Variants in TM2D1 observed in about 807,000 individuals in gnomAD.
TM2D1 encodes the protein TM2 domain-containing protein 1.
A neutral mutation model predicts 28.4 loss-of-function variants in TM2D1; 15 were observed. That is an observed-to-expected ratio of 0.53 (90% confidence interval 0.35 to 0.81). The LOEUF (loss-of-function observed/expected upper bound fraction) is 0.81. Among genes scored for constraint, TM2D1 ranks in the 40% least tolerant of loss-of-function variants. TM2D1 has a pLI of 0.01. For missense variants in TM2D1, 236 were observed against 254.9 expected (o/e 0.93, Z 0.50); for synonymous variants, 93 against 96.2 (o/e 0.97, Z 0.20).
chr1:61,683,179 T>G (rs963215036), intron 6 of TM2D1: 2 of 194,728 alleles, frequency 1.0e-5, no homozygotes, highest in African/African-American at 4.6e-5. Context: ...TTGATGTTAC[T>G]TTTTTCTTGT....
At chr1:61,709,197 T>A in intron 3 of TM2D1, 132 bp downstream of exon 3, 1 of 626,578 alleles carries the variant, frequency 1.6e-6, no homozygotes, top group East Asian at 3.2e-5. Context: ...AAAATAAAGG[T>A]TTTCTGACAC....
At chr1:61,716,523 A>G (rs1486455222) in intron 2 of TM2D1, among the ~76,000 whole-genome samples, 1 of 145,824 alleles carries the variant, frequency 6.9e-6, no homozygotes, top group African/African-American at 2.5e-5. Flanking sequence ...ATATGTATAT[A>G]ATTATATATG....
chr1:61,715,236 T>G (rs1420726267), intron 2 of TM2D1, among the ~76,000 whole-genome samples: 2 of 152,142 alleles, frequency 1.3e-5, no homozygotes, highest in African/African-American at 2.4e-5. Flanking sequence ...GAGCAGGACT[T>G]TAGAACTAGA....
chr1:61,716,458 TAC>T (rs1398594169), intron 2 of TM2D1, among the ~76,000 whole-genome samples: 1 of 145,612 alleles, frequency 6.9e-6, no homozygotes, highest in African/African-American at 2.5e-5. Context: ...TAATTTTATA[TAC>T]ATATATAATT....
At position 61,724,971 on chromosome 1, in the gene TM2D1, G is replaced by T; in HGVS notation, c.150C>A (p.Asp50Glu). Residue 50 changes from aspartate (D) to glutamate (E), a missense_variant, in exon 1 of 7, where the codon GAC (aspartate) becomes GAA (glutamate). Transcript: ENST00000606498. ...AGGEESLKCE[D>E]LKVGQYICKD... ...ACAGAGGATATTGTCCCACTTTGAG[G>T]TCCTCGCACTTAAGCGACTCCTCGC... The T allele has an allele frequency of 1.2e-6, 2 of 1,602,236 alleles. No homozygotes were observed. Among genetic ancestry groups the T allele is most frequent in the South Asian group, 1.1e-5 (1 of 90,764 alleles).
chr1:61,704,483 G>A (rs1644426848), intron 3 of TM2D1, among the ~76,000 whole-genome samples: 1 of 151,954 alleles, frequency 6.6e-6, no homozygotes, highest in Non-Finnish European at 1.5e-5. Context: ...CCAGGCTGGA[G>A]CGCAATGGCA....
chr1:61,716,044 A>T (rs1644516413), intron 2 of TM2D1, among the ~76,000 whole-genome samples: 6 of 151,368 alleles, frequency 4.0e-5, no homozygotes, highest in Admixed American at 4.0e-4. Context: ...TGACCTCGTG[A>T]TCCACCCGCC....
intron 3 of TM2D1, among the ~76,000 whole-genome samples, chr1:61,705,664 C>T (rs576305221): frequency 8.5e-5 from 13 of 152,240 alleles, no homozygotes; most frequent in African/African-American, 2.6e-4. Context: ...CCATCTGCTG[C>T]CTTAGTGGAA....
intron 5 of TM2D1, among the ~76,000 whole-genome samples, chr1:61,691,495 C>CAAAAA (rs1183951634): frequency 7.6e-5 from 3 of 39,354 alleles, no homozygotes; most frequent in Non-Finnish European, 1.5e-4. Context: ...AACTCCATCT[C>CAAAAA]AAAAAAAAAA....
At chr1:61,704,524 T>C (rs1426048391) in intron 3 of TM2D1, among the ~76,000 whole-genome samples, 1 of 151,916 alleles carries the variant, frequency 6.6e-6, no homozygotes, top group Non-Finnish European at 1.5e-5. Flanking sequence ...CTCCACCTCC[T>C]GGGTTCAAGT....
intron 4 of TM2D1, chr1:61,696,238 G>GT (rs1644361704): frequency 6.6e-6 from 1 of 152,100 alleles, no homozygotes. Context: ...TCTTCAATTT[G>GT]TTTATAAAAA....
At chr1:61,718,137 G>A (rs1003240057) in intron 2 of TM2D1, among the ~76,000 whole-genome samples, 5 of 152,144 alleles carry the variant, frequency 3.3e-5, no homozygotes, top group African/African-American at 4.8e-5. Context: ...GGGCAACACC[G>A]TAAAACCCCA....
At chr1:61,711,225 G>A (rs1353442317) in intron 2 of TM2D1, among the ~76,000 whole-genome samples, 1 of 151,004 alleles carries the variant, frequency 6.6e-6, no homozygotes, top group Non-Finnish European at 1.5e-5. Flanking sequence ...AGCTACATGA[G>A]AGGCTGGGGC....
At chr1:61,694,374 A>G in intron 5 of TM2D1, 1 of 180,776 alleles carries the variant, frequency 5.5e-6, no homozygotes, top group South Asian at 1.7e-4. Context: ...TAGAGACAAC[A>G]TATATTAAAA....
chr1:61,723,661 T>A (rs1644583836), intron 2 of TM2D1, 52 bp downstream of exon 2: 2 of 989,952 alleles, frequency 2.0e-6, no homozygotes, highest in African/African-American at 1.6e-5. Context: ...CATTGACCTA[T>A]GAAATAATGT....
intron 5 of TM2D1, among the ~76,000 whole-genome samples, chr1:61,691,933 ATATAT>A (rs1194686719): frequency 0.03 from 2,490 of 82,988 alleles, 176 homozygotes; most frequent in African/African-American, 0.08. Flanking sequence ...AAAAAAAAAA[ATATAT>A]ATATATATAT....
rs1644352209 is a variant in TM2D1, at chr1:61,694,772, T to G, written c.440-2A>C. 6.3e-7 allele frequency: 1 copy of G among 1,587,794 alleles called. No individual in the cohort carries two copies. Among genetic ancestry groups the G allele is most frequent in the South Asian group, 1.2e-5 (1 of 84,558 alleles). On this transcript the variant is annotated splice_acceptor_variant, in intron 4 of 6. Transcript: ENST00000606498. LOFTEE classifies it high-confidence loss of function. ...CTACAGTGCAAAACTTTAACAAACC[T>G]AGAAAAGAAGGTAAAGTCATTTATA... is the stretch of plus-strand genomic sequence containing the variant.
intron 5 of TM2D1, among the ~76,000 whole-genome samples, chr1:61,687,811 C>A (rs538501293): frequency 6.6e-6 from 1 of 152,218 alleles, no homozygotes; most frequent in Non-Finnish European, 1.5e-5. Flanking sequence ...AAGATCAGAT[C>A]ATCTCCTGCA....
At chr1:61,717,179 T>G (rs1402226105) in intron 2 of TM2D1, among the ~76,000 whole-genome samples, 17 of 149,936 alleles carry the variant, frequency 1.1e-4, no homozygotes, top group African/African-American at 4.2e-4. Flanking sequence ...AAACCCCTTC[T>G]CTACTAAAAA....
Sources: allele counts gnomAD v4.1 joint callset (sites outside exome capture counted in the v4.1 genomes callset), GRCh38; gene constraint gnomAD v4.1.1; transcripts MANE v1.5; gene names NCBI Gene and HGNC (gene_info 2026-07-23, HGNC 2026-07-21).